The following RND3 variants were observed in gnomAD, a reference collection of about 807,000 sequenced individuals.
RND3 encodes rho-related GTP-binding protein RhoE.
A neutral mutation model predicts 26.5 loss-of-function variants in RND3; 8 were observed. The ratio of observed to expected loss-of-function variants is 0.30; its 90% CI spans 0.18 to 0.54. The LOEUF is 0.54. RND3 is among the 20% of genes least tolerant of loss of function. The pLI is 0.94. For missense variants in RND3, 207 were observed against 302.8 expected (o/e 0.68, Z 2.35); for synonymous variants, 113 against 113.0 (o/e 1.00, Z 0.00).
chr2:150,472,050 C>T, intron 4 of RND3: 1 of 318,924 alleles, frequency 3.1e-6, no homozygotes, highest in East Asian at 7.0e-5. Flanking sequence ...CCAAAGGTAG[C>T]TTCAATAATG....
Position 150,487,474 on chromosome 2 carries a change from A to AAAAAAAATATATATATATATATATAT in RND3, c.-38-20_-38-19insATATATATATATATATATATTTTTTT. ...ATTTTCTCTTAAGAAGAAAAAAAAA[A>AAAAAAAATATATATATATATATATAT]ATATATATATATATATATATTTCTC... is the stretch of plus-strand genomic sequence containing the variant. On this transcript the variant is annotated intron_variant, in intron 1 of 5. Coordinates refer to ENST00000263895, the MANE Select transcript of RND3 (RefSeq NM_005168.5). 5.0e-5 allele frequency: 10 copies of AAAAAAAATATATATATATATATATAT among 200,800 alleles called. No individual in the cohort carries two copies. The highest frequency in any genetic ancestry group is 1.4e-4 in the Admixed American group (2 of 13,828). The allele number at this position is 200,800 out of a possible 1,614,324, so 12.4% of individuals were successfully genotyped here. A position where few individuals can be genotyped will look rare whatever the true frequency, so the allele number is the denominator to read the frequency against.
chr2:150,470,197 G>T lies in RND3; in HGVS notation c.525C>A (p.Ile175=). Residue 175 remains isoleucine, a synonymous_variant, in exon 6 of 6, where the codon ATC becomes ATA. Coordinates refer to ENST00000263895, the MANE Select transcript of RND3 (RefSeq NM_005168.5). ...TTTCCGACTGTAAAGCTGAGCATTCGATATAAGTAGCTGCTCCAATCTGTT... is the reference window on the plus strand; with the variant it reads ...TTTCCGACTGTAAAGCTGAGCATTCTATATAAGTAGCTGCTCCAATCTGTT... ...MAKQIGAATY[I]ECSALQSENS... is the part of the protein sequence containing the mutation. 1 of 1,613,864 alleles carries T rather than the reference G, an allele frequency of 6.2e-7. No individual in the cohort carries two copies.
chr2:150,487,474 A>AAAAAAAATATATATATAT lies in RND3; in HGVS notation c.-38-20_-38-19insATATATATATATTTTTTT. On this transcript the variant is annotated intron_variant, in intron 1 of 5. Coordinates refer to ENST00000263895, the MANE Select transcript of RND3 (RefSeq NM_005168.5). ...ATTTTCTCTTAAGAAGAAAAAAAAA[A>AAAAAAAATATATATATAT]ATATATATATATATATATATTTCTC... 3.1e-4 allele frequency: 63 copies of AAAAAAAATATATATATAT among 200,786 alleles called. No individual in the cohort carries two copies. The highest frequency in any genetic ancestry group is 1.6e-3 in the Middle Eastern group (1 of 612). The allele number at this position is 200,786 out of a possible 1,614,324, so 12.4% of individuals were successfully genotyped here.
intron 3 of RND3, among the ~76,000 whole-genome samples, chr2:150,477,187 A>G (rs1467624563): frequency 3.3e-5 from 5 of 152,080 alleles, no homozygotes; most frequent in East Asian, 1.9e-4. Context: ...AATCACTCAC[A>G]TTAGGAAAAA....
In RND3 at chr2:150,471,967, T is replaced by A. The variant is rs531576853; in HGVS notation, c.349-206A>T. The A allele has an allele frequency of 7.5e-5, 39 of 523,034 alleles. No individual in the cohort carries two copies. The East Asian group carries it at 1.3e-3, about 17-fold the overall frequency. 32.4% of individuals were successfully genotyped at this position (523,034 alleles called of 1,614,324 possible). A position where few individuals can be genotyped will look rare whatever the true frequency, so the allele number is the denominator to read the frequency against. ...TACTTTTTAAGCATTAGAGAATAAT[T>A]ATGTATATTATGATTGATTCTCCCT... On this transcript the variant is annotated intron_variant, in intron 4 of 5. Coordinates refer to ENST00000263895, the MANE Select transcript of RND3 (RefSeq NM_005168.5).
chr2:150,485,814 G>A (rs1299307402), intron 3 of RND3, among the ~76,000 whole-genome samples: 1 of 152,098 alleles, frequency 6.6e-6, no homozygotes. Flanking sequence ...CCCTACCACC[G>A]CGCGCCAGGT....
Position 150,486,679 on chromosome 2 carries a change from T to C in RND3, c.238+15A>G, listed in dbSNP as rs775350091. 4 of 1,584,836 alleles carry C rather than the reference T, an allele frequency of 2.5e-6. No homozygotes were observed. In the African/African-American group the frequency reaches 5.4e-5, roughly 21 times the overall value. ...GAAACCCGCCCCAAGCGCCACGCGG[T>C]CCTCCCACTCTTACCCGAAGTGTCC... On this transcript the variant is annotated intron_variant, in intron 3 of 5. Transcript: ENST00000263895. The surrounding 1 kb of genome is among the most constrained non-coding windows in gnomAD (Gnocchi z 4.5).
At position 150,486,966 on chromosome 2, in the gene RND3, C is replaced by T. The variant is rs1385329859; in HGVS notation, c.151-185G>A. 9 of 629,372 alleles carry T rather than the reference C, an allele frequency of 1.4e-5. No individual in the cohort carries two copies. The highest frequency in any genetic ancestry group is 1.1e-4 in the South Asian group (6 of 54,950). 39.0% of individuals were successfully genotyped at this position (629,372 alleles called of 1,614,324 possible). ...AACCCCTGTCCTACTCCCCACTCAC[C>T]CCACCCGGCTCTCACAGATCTGCTG... On this transcript the variant is annotated intron_variant, in intron 2 of 5. Coordinates refer to ENST00000263895, the MANE Select transcript of RND3 (RefSeq NM_005168.5). This position sits in a 1 kb window ranked among gnomAD's most constrained non-coding sequence, Gnocchi z 4.5.
Position 150,471,718 on chromosome 2 carries a change from A to C in RND3, c.392T>G (p.Leu131Arg). The C allele has an allele frequency of 6.2e-7, 1 of 1,613,420 alleles. No individual in the cohort carries two copies. Among genetic ancestry groups the C allele is most frequent in the Non-Finnish European group, 8.5e-7 (1 of 1,179,572 alleles). Residue 131 changes from leucine to arginine, a missense_variant, in exon 5 of 6, where the codon CTC becomes CGC. Physicochemically the swap from Leu to Arg is moderately radical, Grantham distance 102 (BLOSUM62 -2). Transcript: ENST00000263895. ...IQEFCPNTKM[L>R]LVGCKSDLRT... is the part of the protein sequence containing the mutation. ...CAGATCAGACTTGCAGCCGACCAAG[A>C]GCATTTTGGTATTTGGACAAAATTC...
chr2:150,482,091 A>C (rs1686283502), intron 3 of RND3, among the ~76,000 whole-genome samples: 1 of 152,260 alleles, frequency 6.6e-6, no homozygotes, highest in African/African-American at 2.4e-5. Flanking sequence ...AACTTGGATC[A>C]TGACAAGATT....
At chr2:150,487,219 G>A in intron 2 of RND3, 49 bp downstream of exon 2, 1 of 1,464,704 alleles carries the variant, frequency 6.8e-7, no homozygotes, top group South Asian at 1.5e-5. Flanking sequence ...TCGGGACTGG[G>A]ATCCCACTGG....
chr2:150,480,628 T>C (rs1240758655), intron 3 of RND3, among the ~76,000 whole-genome samples: 2 of 149,522 alleles, frequency 1.3e-5, no homozygotes, highest in Non-Finnish European at 3.0e-5. Flanking sequence ...AGAAACCAGA[T>C]TGGAAAAAAA....
At chr2:150,474,193 C>T (rs1175441533) in intron 4 of RND3, among the ~76,000 whole-genome samples, 1 of 152,188 alleles carries the variant, frequency 6.6e-6, no homozygotes, top group Non-Finnish European at 1.5e-5. Flanking sequence ...TGTAATAGGT[C>T]CTCTTCCTCT....
chr2:150,481,169 T>C (rs1686262387), intron 3 of RND3, among the ~76,000 whole-genome samples: 1 of 152,176 alleles, frequency 6.6e-6, no homozygotes, highest in African/African-American at 2.4e-5. Flanking sequence ...AGGAAGGGAA[T>C]TGTGGTGGGC....
intron 4 of RND3, among the ~76,000 whole-genome samples, chr2:150,474,649 G>A (rs983040638): frequency 6.6e-6 from 1 of 152,122 alleles, no homozygotes; most frequent in Non-Finnish European, 1.5e-5. Flanking sequence ...AAACATGAAG[G>A]CCCTTAAAAG....
Position 150,487,469 on chromosome 2 carries a change from AAAAAAATATAT to A in RND3, c.-38-25_-38-15del. 2.3e-6 allele frequency: 1 copy of A among 444,208 alleles called. No individual in the cohort carries two copies. The highest frequency in any genetic ancestry group is 3.2e-6 in the Non-Finnish European group (1 of 316,210). The allele number at this position is 444,208 out of a possible 1,614,324, so 27.5% of individuals were successfully genotyped here. ...CAGGAATTTTCTCTTAAGAAGAAAA[AAAAAAATATAT>A]ATATATATATATATTTCTCTCTTTA... On this transcript the variant is annotated splice_polypyrimidine_tract_variant and intron_variant, in intron 1 of 5. Transcript: ENST00000263895.
rs1194282522 is a variant in RND3 at position 150,487,569 on chromosome 2, G to C, written c.-59C>G. ...GCAACCTCTGAAACGCGGCGCAGAC[G>C]AGGAGGAGAGCGAGAGGAGCAGGCT... On this transcript the variant is annotated 5_prime_UTR_variant, in exon 1 of 6. Coordinates refer to ENST00000263895, the MANE Select transcript of RND3 (RefSeq NM_005168.5). The C allele has an allele frequency of 5.3e-6, 1 of 187,762 alleles. No homozygotes were observed. Among genetic ancestry groups the C allele is most frequent in the Non-Finnish European group, 1.0e-5 (1 of 96,542 alleles). 11.6% of individuals were successfully genotyped at this position (187,762 alleles called of 1,614,324 possible). A position where few individuals can be genotyped will look rare whatever the true frequency, so the allele number is the denominator to read the frequency against.
At chr2:150,478,710 A>G (rs1686215951) in intron 3 of RND3, among the ~76,000 whole-genome samples, 1 of 152,094 alleles carries the variant, frequency 6.6e-6, no homozygotes, top group African/African-American at 2.4e-5. Flanking sequence ...TAAGTATGAA[A>G]GTATTCAACT....
In RND3 at chr2:150,486,808, G is replaced by A; in HGVS notation, c.151-27C>T. ...TGGATAGACAAAATGGGCAAAAGAG[G>A]AAGGAAAGAGGGCAAAGAGGTTACG... On this transcript the variant is annotated intron_variant, in intron 2 of 5. Coordinates refer to ENST00000263895, the MANE Select transcript of RND3 (RefSeq NM_005168.5). This position sits in a 1 kb window ranked among gnomAD's most constrained non-coding sequence, Gnocchi z 4.5. The A allele has an allele frequency of 1.3e-6, 2 of 1,516,506 alleles. No individual in the cohort carries two copies. Among genetic ancestry groups the A allele is most frequent in the South Asian group, 1.1e-5 (1 of 89,124 alleles). The allele number at this position is 1,516,506 out of a possible 1,614,324, so 93.9% of individuals were successfully genotyped here.
Sources: gnomAD v4.1 joint callset for allele counts (sites outside exome capture counted in the v4.1 genomes callset) on GRCh38, gnomAD v4.1.1 for gene constraint, Gnocchi (gnomAD v3.1) non-coding constraint, MANE v1.5 for transcripts, NCBI Gene and HGNC (gene_info 2026-07-23, HGNC 2026-07-21) for gene names.